ITGA11: variants seen among roughly 807,000 people sequenced by gnomAD.
ITGA11 encodes the protein integrin alpha-11.
A neutral mutation model predicts 141.9 loss-of-function variants in ITGA11; 97 were observed. The ratio of observed to expected loss-of-function variants is 0.68; its 90% CI spans 0.58 to 0.81. ITGA11 has a LOEUF of 0.81. Ranked by LOEUF, ITGA11 falls within the 30% of genes least tolerant of loss-of-function variation. The probability of loss-of-function intolerance (pLI) is 0.00; values close to 1 mark genes in which losing one functional copy is unlikely to be tolerated. For synonymous variants in ITGA11, 658 were observed against 624.6 expected, an observed-to-expected ratio of 1.05 and a Z score of -0.80; for missense variants, 1,387 against 1,559.2, an observed-to-expected ratio of 0.89 and a Z score of 1.86.
chr15:68,346,296 A>G (rs1023703475), intron 10 of ITGA11, among the ~76,000 whole-genome samples: 11 of 152,110 alleles, frequency 7.2e-5, no homozygotes, highest in Admixed American at 1.3e-4. Context: ...GAACCTGTTG[A>G]TCCTGCAAGG....
chr15:68,375,068 T>A (rs80247223), intron 2 of ITGA11, among the ~76,000 whole-genome samples: 1 of 152,082 alleles, frequency 6.6e-6, no homozygotes, highest in East Asian at 1.9e-4. Context: ...TGTGAAGAAG[T>A]GGAAGGCTCA....
intron 2 of ITGA11, among the ~76,000 whole-genome samples, chr15:68,396,404 T>C (rs987951891): frequency 1.7e-4 from 26 of 151,916 alleles, no homozygotes; most frequent in Admixed American, 1.6e-3. Flanking sequence ...AAGCTATGAA[T>C]AGAAAAAAAC....
intron 22 of ITGA11, among the ~76,000 whole-genome samples, chr15:68,314,399 G>A (rs1893498859): frequency 6.6e-6 from 1 of 152,190 alleles, no homozygotes; most frequent in Non-Finnish European, 1.5e-5. Context: ...ATCTTCCGGG[G>A]GGGTTCTGTC....
At chr15:68,346,140 G>T (rs1894736535) in intron 10 of ITGA11, among the ~76,000 whole-genome samples, 1 of 152,180 alleles carries the variant, frequency 6.6e-6, no homozygotes, top group Non-Finnish European at 1.5e-5. Context: ...GGGTATATGG[G>T]AGAGGCAAGC....
At chr15:68,339,092 T>C (rs927004741) in intron 11 of ITGA11, among the ~76,000 whole-genome samples, 1 of 152,174 alleles carries the variant, frequency 6.6e-6, no homozygotes, top group Admixed American at 6.5e-5. Context: ...ATTATGAACA[T>C]TAAGAAATAA....
chr15:68,398,807 TTTA>T (rs1273627276), intron 2 of ITGA11, among the ~76,000 whole-genome samples: 1 of 119,984 alleles, frequency 8.3e-6, no homozygotes, highest in African/African-American at 3.2e-5. Flanking sequence ...ATAAGAATAG[TTTA>T]TTTTTAATAG....
chr15:68,341,305 G>A (rs1324026835), intron 10 of ITGA11, among the ~76,000 whole-genome samples: 2 of 152,210 alleles, frequency 1.3e-5, no homozygotes, highest in Admixed American at 6.5e-5. Flanking sequence ...TCATATATTC[G>A]CTGTCCACAA....
chr15:68,322,857 C>CAA lies in ITGA11; in HGVS notation c.2323-1356_2323-1355dup, dbSNP rs35071996. The stretch of plus-strand genomic sequence containing the variant: ...TGGGTGACAGAGGGAGATACCATTT[C>CAA]AAAAAAAAAAAAAAAGAAAGTAGGG... On this transcript the variant is annotated intron_variant, in intron 18 of 29. Transcript: ENST00000315757. This position sits in a 1 kb window ranked among gnomAD's most constrained non-coding sequence, Gnocchi z 5.6. Among the ~76,000 whole-genome samples the CAA allele has an allele frequency of 1.5e-5, 2 of 134,638 alleles. No homozygotes were observed. Among genetic ancestry groups the CAA allele is most frequent in the African/African-American group, 5.8e-5 (2 of 34,638 alleles). 88.3% of individuals were successfully genotyped at this position (134,638 alleles called of 152,430 possible).
intron 1 of ITGA11, among the ~76,000 whole-genome samples, chr15:68,408,921 C>G (rs574832723): frequency 6.6e-6 from 1 of 152,274 alleles, no homozygotes; most frequent in South Asian, 2.1e-4. Context: ...GGGAGTTACT[C>G]TCCCTTTCTG....
At chr15:68,394,363 C>A (rs2415002) in intron 2 of ITGA11, among the ~76,000 whole-genome samples, 62,206 of 151,916 alleles carry the variant, frequency 0.41, 13,751 homozygotes, top group East Asian at 0.58. Context: ...CTAAATAACC[C>A]ACGGTCCAAG....
chr15:68,360,854 CCCATCTGACTCGG>C (rs1470468630), intron 5 of ITGA11, among the ~76,000 whole-genome samples: 3 of 152,172 alleles, frequency 2.0e-5, no homozygotes, highest in African/African-American at 7.2e-5. Flanking sequence ...CTTCCCCAGC[CCCATCTGACTCGG>C]CCTTGTTGTC....
intron 26 of ITGA11, among the ~76,000 whole-genome samples, chr15:68,310,127 C>T (rs1156586406): frequency 6.6e-6 from 1 of 152,106 alleles, no homozygotes; most frequent in Non-Finnish European, 1.5e-5. Context: ...TAAGGTAATC[C>T]TGATTATTCT....
At position 68,297,813 on chromosome 15, in the gene ITGA11, A is replaced by AT. The variant is rs1461001986; in HGVS notation, c.*5245dup. The AT allele has an allele frequency of 1.3e-5, 2 of 152,210 alleles. No homozygotes were observed. The highest frequency in any genetic ancestry group is 1.3e-4 in the Admixed American group (2 of 15,284). The allele number at this position is 152,210 out of a possible 1,614,324, so 9.4% of individuals were successfully genotyped here. On this transcript the variant is annotated 3_prime_UTR_variant, in exon 30 of 30. Transcript: ENST00000315757. Reference sequence around the variant, plus strand: ...TTTCAAATTTAGATTCTCTGTGGCCATTCCAGCCTCTATAGAGATCTGAAA... The same window carrying AT: ...TTTCAAATTTAGATTCTCTGTGGCCATTTCCAGCCTCTATAGAGATCTGAAA...
At position 68,335,637 on chromosome 15, in the gene ITGA11, C is replaced by T; in HGVS notation, c.1425+60G>A. The T allele has an allele frequency of 1.3e-6, 2 of 1,577,648 alleles. No individual in the cohort carries two copies. The highest frequency in any genetic ancestry group is 1.1e-5 in the South Asian group (1 of 87,472). On this transcript the variant is annotated intron_variant, in intron 12 of 29. Transcript: ENST00000315757. The surrounding 1 kb of genome is among the most constrained non-coding windows in gnomAD (Gnocchi z 4.9). ...AGGCATGCCTGTATTTACTGCCCTC[C>T]CATTTGTCTGATCTGCCCCCTCTTC...
intron 2 of ITGA11, among the ~76,000 whole-genome samples, chr15:68,391,433 C>T (rs1896119295): frequency 6.6e-6 from 1 of 152,212 alleles, no homozygotes; most frequent in African/African-American, 2.4e-5. Flanking sequence ...TGCCCTCTTC[C>T]ATGGAGCATT....
At chr15:68,426,231 C>T (rs1286255553) in intron 1 of ITGA11, among the ~76,000 whole-genome samples, 3 of 152,240 alleles carry the variant, frequency 2.0e-5, no homozygotes, top group African/African-American at 7.2e-5. Context: ...TTGGGTAGAA[C>T]ACATCACGTT....
intron 1 of ITGA11, among the ~76,000 whole-genome samples, chr15:68,418,072 A>G (rs560949773): frequency 6.6e-6 from 1 of 152,310 alleles, no homozygotes; most frequent in South Asian, 2.1e-4. Context: ...TCATGTTGGC[A>G]GCTTGAAAAC....
chr15:68,389,404 C>A (rs1011991161), intron 2 of ITGA11, among the ~76,000 whole-genome samples: 1 of 152,196 alleles, frequency 6.6e-6, no homozygotes. Context: ...GGGCCAGCAG[C>A]GTGTCTGGGG....
rs1365423273 is a variant in ITGA11, at chr15:68,328,036, A to G, written c.2068+60T>C. The G allele has an allele frequency of 3.3e-6, 5 of 1,511,796 alleles. No homozygotes were observed. The highest frequency in any genetic ancestry group is 4.5e-6 in the Non-Finnish European group (5 of 1,118,848). 93.6% of individuals were successfully genotyped at this position (1,511,796 alleles called of 1,614,324 possible). On this transcript the variant is annotated intron_variant, in intron 16 of 29. Transcript: ENST00000315757. This position sits in a 1 kb window ranked among gnomAD's most constrained non-coding sequence, Gnocchi z 4.8. Reference sequence around the variant, plus strand: ...GGGAAAAGCCCAGGCTTTGAAATAGAGCAAGGTGCAGGGGGAGACTGGAGT... The same window carrying G: ...GGGAAAAGCCCAGGCTTTGAAATAGGGCAAGGTGCAGGGGGAGACTGGAGT...
Sources: allele counts gnomAD v4.1 joint callset (sites outside exome capture counted in the v4.1 genomes callset), GRCh38; gene constraint gnomAD v4.1.1; non-coding constraint Gnocchi (gnomAD v3.1); transcripts MANE v1.5; gene names NCBI Gene and HGNC (gene_info 2026-07-23, HGNC 2026-07-21).